SMARCA5: variants seen among roughly 807,000 people sequenced by gnomAD.
SMARCA5 encodes SWI/SNF-related matrix-associated actin-dependent regulator of chromatin subfamily A member 5.
A neutral mutation model predicts 140.4 loss-of-function variants in SMARCA5; 18 were observed. That is an observed-to-expected ratio of 0.13 (90% CI 0.09 to 0.19). The LOEUF (loss-of-function observed/expected upper bound fraction) is 0.19, where lower values mean the gene tolerates loss of function less well. Ranked by LOEUF, SMARCA5 falls within the 10% of genes least tolerant of loss-of-function variation. The probability of loss-of-function intolerance (pLI) is 1.00; values close to 1 mark genes in which losing one functional copy is unlikely to be tolerated. For missense variants in SMARCA5, 606 were observed against 1,276.8 expected, an observed-to-expected ratio of 0.47 and a Z score of 8.01; for synonymous variants, 449 against 419.6, an observed-to-expected ratio of 1.07 and a Z score of -0.86.
intron 11 of SMARCA5, 106 bp from the exon 12 acceptor site, chr4:143,538,484 T>C (rs4690724): frequency 0.55 from 476,490 of 861,462 alleles, 132,837 homozygotes; most frequent in Middle Eastern, 0.58. Context: ...TGTAACCAAG[T>C]AGGTAGCTTT....
chr4:143,550,651 GT>G (rs1388426783), intron 23 of SMARCA5, among the ~76,000 whole-genome samples: 1 of 151,656 alleles, frequency 6.6e-6, no homozygotes, highest in Non-Finnish European at 1.5e-5. Flanking sequence ...TTTAATTGTA[GT>G]TTTTAGCTCC....
Position 143,528,487 on chromosome 4 carries a change from C to G in SMARCA5, c.958-96C>G, listed in dbSNP as rs72723145. The G allele has an allele frequency of 7.2e-3, 7,488 of 1,036,798 alleles. 39 individuals carry two copies. Among genetic ancestry groups the G allele is most frequent in the Middle Eastern group, 0.012 (41 of 3,300 alleles). The allele number at this position is 1,036,798 out of a possible 1,614,324, so 64.2% of individuals were successfully genotyped here. A position where few individuals can be genotyped will look rare whatever the true frequency, so the allele number is the denominator to read the frequency against. On this transcript the variant is annotated intron_variant, in intron 7 of 23. Coordinates refer to ENST00000283131, the MANE Select transcript of SMARCA5 (RefSeq NM_003601.4). ...GCCATATTTTCTTTAACCGGTCTAT[C>G]ATTGTTGGGCATTTGTGTTGGTTCC...
At position 143,547,404 on chromosome 4, in the gene SMARCA5, C is replaced by A; in HGVS notation, c.2673C>A (p.Cys891Ter). ...IEYSAVFWER[C>*]NELQDIEKIM... is the part of the protein sequence containing the mutation. ...TTACAGCTGTGTTTTGGGAAAGGTG[C>A]AACGAGCTCCAGGACATAGAGAAGA... The change falls in exon 21 of 24, where the codon TGC becomes TGA. Residue 891 changes from cysteine (C) to a stop codon, truncating the protein, a stop_gained. Transcript: ENST00000283131. LOFTEE classifies it high-confidence loss of function. 1 of 1,596,982 alleles carries A rather than the reference C, an allele frequency of 6.3e-7. No individual in the cohort carries two copies. The highest frequency in any genetic ancestry group is 8.6e-7 in the Non-Finnish European group (1 of 1,166,330).
In SMARCA5 at chr4:143,527,901, G is replaced by A. The variant is rs1208741601; in HGVS notation, c.835G>A (p.Glu279Lys). The part of the protein sequence containing the change: ...AFVRDVLLPG[E>K]WDVCVTSYEM... The stretch of plus-strand genomic sequence containing the variant: ...TGTCAGAGACGTTTTATTACCGGGA[G>A]AATGGGATGTATGTGTAACATCTTA... The change falls in exon 7 of 24, where the codon GAA becomes AAA. Residue 279 changes from glutamate (E) to lysine (K), a missense_variant. Around this residue, in one of 10 missense-constraint regions of SMARCA5, gnomAD observed 110 missense variants for 287.7 expected, o/e 0.38. Transcript: ENST00000283131. The A allele has an allele frequency of 6.3e-7, 1 of 1,593,250 alleles. No individual in the cohort carries two copies. The highest frequency in any genetic ancestry group is 8.5e-7 in the Non-Finnish European group (1 of 1,174,980).
rs561288927 is a variant in SMARCA5 at position 143,523,774 on chromosome 4, G to T, written c.420-593G>T. On this transcript the variant is annotated intron_variant, in intron 3 of 23. Transcript: ENST00000283131. ...AATAAGATGAAAATATTTGTTGAAA[G>T]TGTCAGAATTGGGGAGTAAGTATTA... Among the ~76,000 whole-genome samples, 3 of 152,348 alleles carry T rather than the reference G, an allele frequency of 2.0e-5. No individual in the cohort carries two copies. In the South Asian group the frequency reaches 6.2e-4, roughly 32 times the overall value.
At position 143,535,698 on chromosome 4, in the gene SMARCA5, A is replaced by G. The variant is rs903355414; in HGVS notation, c.1268+734A>G. Among the ~76,000 whole-genome samples, 5 of 152,162 alleles carry G rather than the reference A, an allele frequency of 3.3e-5. No homozygotes were observed. The South Asian group carries it at 6.2e-4, about 19-fold the overall frequency. ...TTAGTTAAACATTTGAGTGAACTTT[A>G]TATCAGAATTGAGATGGAAAGGTCT... On this transcript the variant is annotated intron_variant, in intron 10 of 23. Coordinates refer to ENST00000283131, the MANE Select transcript of SMARCA5 (RefSeq NM_003601.4).
intron 14 of SMARCA5, among the ~76,000 whole-genome samples, chr4:143,543,147 AATAAC>A (rs1346945111): frequency 6.6e-6 from 1 of 152,088 alleles, no homozygotes; most frequent in Non-Finnish European, 1.5e-5. Flanking sequence ...AGTATTAGTT[AATAAC>A]ACCTTTCTGC....
chr4:143,544,728 A>T lies in SMARCA5; in HGVS notation c.2173-9A>T, dbSNP rs1737488990. ...AAGTTGGTGATTTGAGTTGTTTCCC[A>T]TGTGCTAGATTGCATTCACAGAGTG... On this transcript the variant is annotated splice_polypyrimidine_tract_variant and intron_variant, in intron 16 of 23. Coordinates refer to ENST00000283131, the MANE Select transcript of SMARCA5 (RefSeq NM_003601.4). 2 of 1,512,874 alleles carry T rather than the reference A, an allele frequency of 1.3e-6. No individual in the cohort carries two copies. The allele number at this position is 1,512,874 out of a possible 1,614,324, so 93.7% of individuals were successfully genotyped here. A position where few individuals can be genotyped will look rare whatever the true frequency, so the allele number is the denominator to read the frequency against.
Position 143,554,355 on chromosome 4 carries a change from A to G in SMARCA5, c.*1171A>G, listed in dbSNP as rs530401377. ...AAATGTAGCATCGTGAATAAATATAACTTTTATAATCCGTAAAGTGGTCTT... is the reference window on the plus strand; with the variant it reads ...AAATGTAGCATCGTGAATAAATATAGCTTTTATAATCCGTAAAGTGGTCTT... On this transcript the variant is annotated 3_prime_UTR_variant, in exon 24 of 24. Coordinates refer to ENST00000283131, the MANE Select transcript of SMARCA5 (RefSeq NM_003601.4). 1 of 152,268 alleles carries G rather than the reference A, an allele frequency of 6.6e-6. No individual in the cohort carries two copies. Among genetic ancestry groups the G allele is most frequent in the East Asian group, 1.9e-4 (1 of 5,190 alleles). The allele number at this position is 152,268 out of a possible 1,614,324, so 9.4% of individuals were successfully genotyped here.
intron 1 of SMARCA5, among the ~76,000 whole-genome samples, chr4:143,515,535 C>T (rs971023776): frequency 2.0e-5 from 3 of 152,156 alleles, no homozygotes; most frequent in African/African-American, 7.2e-5. Context: ...TCCTCAGCTT[C>T]TCAAAGGGGT....
intron 6 of SMARCA5, 115 bp downstream of exon 6, chr4:143,526,575 A>G (rs1737075383): frequency 5.7e-6 from 4 of 702,790 alleles, no homozygotes; most frequent in Admixed American, 2.8e-5. Flanking sequence ...AAATATTAGT[A>G]TTTACAAATG....
chr4:143,530,702 T>G (rs1464827438), intron 9 of SMARCA5, among the ~76,000 whole-genome samples, 176 bp downstream of exon 9: 2 of 152,202 alleles, frequency 1.3e-5, no homozygotes, highest in African/African-American at 4.8e-5. Flanking sequence ...GATGTGTGGT[T>G]GTTTCAGTGT....
intron 9 of SMARCA5, among the ~76,000 whole-genome samples, chr4:143,532,216 C>T (rs1737201500): frequency 6.6e-6 from 1 of 152,144 alleles, no homozygotes; most frequent in Admixed American, 6.5e-5. Flanking sequence ...ACCTTTGTTT[C>T]AATTCAGATG....
chr4:143,532,862 G>A (rs1737221274), intron 9 of SMARCA5, among the ~76,000 whole-genome samples: 1 of 152,154 alleles, frequency 6.6e-6, no homozygotes, highest in Non-Finnish European at 1.5e-5. Context: ...GCTGGACAAT[G>A]CTAGAAGAGA....
intron 9 of SMARCA5, among the ~76,000 whole-genome samples, chr4:143,532,678 CT>C (rs993135508): frequency 6.6e-6 from 1 of 152,014 alleles, no homozygotes; most frequent in Non-Finnish European, 1.5e-5. Context: ...CCCTTATTCC[CT>C]CCACCCCCCA....
Position 143,555,568 on chromosome 4 carries a change from TC to T in SMARCA5, c.*2385del. On this transcript the variant is annotated 3_prime_UTR_variant, in exon 24 of 24. Transcript: ENST00000283131. ...ATCTGATCATGATACTGAATAAATGTCTTTTTTTTTTTTTAACAACAAAGCA... is the reference window on the plus strand; with the variant it reads ...ATCTGATCATGATACTGAATAAATGTTTTTTTTTTTTTTAACAACAAAGCA... 9.5e-6 allele frequency: 3 copies of T among 314,782 alleles called. No individual in the cohort carries two copies. Among genetic ancestry groups the T allele is most frequent in the African/African-American group, 4.4e-5 (2 of 45,386 alleles). 19.5% of individuals were successfully genotyped at this position (314,782 alleles called of 1,614,324 possible). A position where few individuals can be genotyped will look rare whatever the true frequency, so the allele number is the denominator to read the frequency against.
At position 143,548,863 on chromosome 4, in the gene SMARCA5, A is replaced by G. The variant is rs1043496566; in HGVS notation, c.2985+723A>G. On this transcript the variant is annotated intron_variant, in intron 22 of 23. Coordinates refer to ENST00000283131, the MANE Select transcript of SMARCA5 (RefSeq NM_003601.4). ...AGATTTCTCTGTATATTTAAAGTAA[A>G]ATGTCACTTTGTAAGACAGTGGATA... is the stretch of plus-strand genomic sequence containing the variant. Among the ~76,000 whole-genome samples, 10 of 152,198 alleles carry G rather than the reference A, an allele frequency of 6.6e-5. No individual in the cohort carries two copies. The South Asian group carries it at 8.3e-4, about 13-fold the overall frequency.
intron 8 of SMARCA5, among the ~76,000 whole-genome samples, chr4:143,529,798 G>T: frequency 6.6e-6 from 1 of 152,068 alleles, no homozygotes; most frequent in East Asian, 1.9e-4. Flanking sequence ...GTTGTAAAAA[G>T]ATATTTAATC....
At chr4:143,518,230 T>G (rs925448352) in intron 2 of SMARCA5, among the ~76,000 whole-genome samples, 2 of 152,172 alleles carry the variant, frequency 1.3e-5, no homozygotes, top group Non-Finnish European at 2.9e-5. Flanking sequence ...TCTAAGAAAC[T>G]TCTCAAAACT....
Sources: gnomAD v4.1 joint callset for allele counts (sites outside exome capture counted in the v4.1 genomes callset) on GRCh38, gnomAD v4.1.1 for gene constraint, gnomAD v4.1.1 regional missense constraint, MANE v1.5 for transcripts, NCBI Gene and HGNC (gene_info 2026-07-23, HGNC 2026-07-21) for gene names.